Variants in MAGI1 observed in about 807,000 individuals in gnomAD.
The protein encoded by MAGI1 is membrane-associated guanylate kinase, WW and PDZ domain-containing protein 1.
A neutral mutation model predicts 139.9 loss-of-function variants in MAGI1; 58 were observed. The ratio of observed to expected loss-of-function variants is 0.41; its 90% confidence interval spans 0.34 to 0.52. The LOEUF is 0.52. Among genes scored for constraint, MAGI1 ranks in the 20% least tolerant of loss-of-function variants. MAGI1 has a pLI of 0.12. For missense variants in MAGI1, 1,874 were observed against 1,901.6 expected (o/e 0.99, Z 0.27); for synonymous variants, 812 against 737.9 (o/e 1.10, Z -1.63).
intron 2 of MAGI1, among the ~76,000 whole-genome samples, chr3:65,570,432 T>G (rs1318135099): frequency 3.3e-5 from 4 of 122,016 alleles, no homozygotes; most frequent in Non-Finnish European, 6.7e-5. Context: ...AAAAAAAAAA[T>G]GTTTAATCAG....
intron 1 of MAGI1, among the ~76,000 whole-genome samples, chr3:65,734,570 G>GGC (rs2034544809): frequency 6.9e-6 from 1 of 145,942 alleles, no homozygotes; most frequent in Non-Finnish European, 1.5e-5. Context: ...AGAGAGAGAG[G>GGC]GAGAGAGAGA....
intron 1 of MAGI1, among the ~76,000 whole-genome samples, chr3:65,918,194 C>T (rs758506221): frequency 1.3e-5 from 2 of 152,116 alleles, no homozygotes; most frequent in Non-Finnish European, 2.9e-5. Context: ...GGGTCAGAAT[C>T]AGTAAACATG....
chr3:65,837,836 G>A lies in MAGI1; in HGVS notation c.313+200160C>T, dbSNP rs533988645. On this transcript the variant is annotated intron_variant, in intron 1 of 22. Coordinates refer to ENST00000402939, the MANE Select transcript of MAGI1 (RefSeq NM_001033057.2). ...CCTCAAATTTCACACTTCCTTATTCGTCTTTAAAGGTCTAATACAGGGTTT... is the reference window on the plus strand; with the variant it reads ...CCTCAAATTTCACACTTCCTTATTCATCTTTAAAGGTCTAATACAGGGTTT... 2.9e-4 allele frequency among the ~76,000 whole-genome samples: 44 copies of A among 152,054 alleles called. No individual in the cohort carries two copies. In the South Asian group the frequency reaches 5.8e-3, roughly 20 times the overall value.
chr3:65,476,517 T>C (rs1484983366), intron 4 of MAGI1, among the ~76,000 whole-genome samples: 1 of 152,166 alleles, frequency 6.6e-6, no homozygotes, highest in East Asian at 1.9e-4. Context: ...GAGAGATTGA[T>C]AGTAGTTAGA....
At position 65,880,908 on chromosome 3, in the gene MAGI1, C is replaced by CGTGTGTGTGTGTGTGTGT. The variant is rs11271375; in HGVS notation, c.313+157070_313+157087dup. ...TTCATGGGAAATAAAATATCTCTGG[C>CGTGTGTGTGTGTGTGTGT]GTGTGTGTGTGTGTGTGTGTGTGTG... On this transcript the variant is annotated intron_variant, in intron 1 of 22. Transcript: ENST00000402939. Among the ~76,000 whole-genome samples, 700 of 145,612 alleles carry CGTGTGTGTGTGTGTGTGT rather than the reference C, an allele frequency of 4.8e-3. 7 individuals carry two copies. The highest frequency in any genetic ancestry group is 6.2e-3 in the African/African-American group (241 of 39,044).
chr3:65,916,043 TTA>T (rs1010243414), intron 1 of MAGI1, among the ~76,000 whole-genome samples: 9 of 147,842 alleles, frequency 6.1e-5, no homozygotes, highest in South Asian at 2.1e-4. Context: ...ACACAGTATA[TTA>T]TATATATATA....
In MAGI1 at chr3:66,038,312, G is replaced by T. The variant is rs2069054262; in HGVS notation, c.-4C>A. ...TCTTCTGGATCACTTTGGACATGAT[G>T]AGTTACACCCCTCCTCCAAAAAAAT... On this transcript the variant is annotated 5_prime_UTR_variant, in exon 1 of 23. Transcript: ENST00000402939. The T allele has an allele frequency of 1.3e-6, 2 of 1,558,038 alleles. No individual in the cohort carries two copies. Among genetic ancestry groups the T allele is most frequent in the Non-Finnish European group, 1.7e-6 (2 of 1,150,868 alleles).
At chr3:65,510,404 G>GA (rs1389197887) in intron 2 of MAGI1, among the ~76,000 whole-genome samples, 1 of 149,818 alleles carries the variant, frequency 6.7e-6, no homozygotes, top group East Asian at 2.0e-4. Flanking sequence ...TGAAAACTTT[G>GA]AAAAAAATTT....
intron 1 of MAGI1, among the ~76,000 whole-genome samples, chr3:65,675,875 T>C (rs1346306806): frequency 6.6e-6 from 1 of 152,232 alleles, no homozygotes; most frequent in Non-Finnish European, 1.5e-5. Flanking sequence ...TGAGCTGCTC[T>C]TACTGAGAAA....
At chr3:65,418,893 AC>A (rs1200769523) in intron 12 of MAGI1, among the ~76,000 whole-genome samples, 2 of 151,974 alleles carry the variant, frequency 1.3e-5, no homozygotes, top group East Asian at 1.9e-4. Context: ...CAGTGTTTTC[AC>A]CCCTGCAGGC....
chr3:65,667,647 G>T (rs927428986), intron 1 of MAGI1, among the ~76,000 whole-genome samples: 1 of 152,178 alleles, frequency 6.6e-6, no homozygotes, highest in East Asian at 1.9e-4. Flanking sequence ...TCATGGCTCC[G>T]TGCAGCCTCA....
chr3:65,384,923 T>C (rs1016350701), intron 14 of MAGI1, among the ~76,000 whole-genome samples: 9 of 152,096 alleles, frequency 5.9e-5, no homozygotes, highest in African/African-American at 2.2e-4. Context: ...GAGGGGTGAC[T>C]GTACAAATTT....
chr3:65,852,205 T>C (rs1438208644), intron 1 of MAGI1, among the ~76,000 whole-genome samples: 11 of 152,164 alleles, frequency 7.2e-5, no homozygotes, highest in Non-Finnish European at 1.2e-4. Flanking sequence ...AAGAAATCCT[T>C]GCCAAGGTTA....
chr3:65,912,252 A>AAT (rs1491303967), intron 1 of MAGI1, among the ~76,000 whole-genome samples: 1 of 151,676 alleles, frequency 6.6e-6, no homozygotes, highest in Non-Finnish European at 1.5e-5. Flanking sequence ...AAAAAAAAAA[A>AAT]GAGTTCTGCT....
chr3:65,739,592 T>C (rs1296988151), intron 1 of MAGI1, among the ~76,000 whole-genome samples: 2 of 152,202 alleles, frequency 1.3e-5, no homozygotes, highest in Non-Finnish European at 2.9e-5. Flanking sequence ...TAGCTTTTGA[T>C]TTAAAGTGAG....
At chr3:66,012,406 T>C (rs1339605936) in intron 1 of MAGI1, among the ~76,000 whole-genome samples, 1 of 152,104 alleles carries the variant, frequency 6.6e-6, no homozygotes, top group African/African-American at 2.4e-5. Flanking sequence ...GTATTAAAAG[T>C]TCCATATCAC....
chr3:65,673,312 C>A (rs78260898), intron 1 of MAGI1, among the ~76,000 whole-genome samples: 204 of 152,312 alleles, frequency 1.3e-3, no homozygotes, highest in African/African-American at 4.4e-3. Flanking sequence ...CTCAAATTTC[C>A]TGATGTCTTA....
intron 8 of MAGI1, among the ~76,000 whole-genome samples, chr3:65,442,159 A>G (rs979917371): frequency 6.6e-6 from 1 of 151,958 alleles, no homozygotes; most frequent in African/African-American, 2.4e-5. Flanking sequence ...GATGAAAGGA[A>G]AAAGTGGGAG....
At chr3:65,368,431 C>G (rs916837763) in intron 18 of MAGI1, among the ~76,000 whole-genome samples, 2 of 152,226 alleles carry the variant, frequency 1.3e-5, no homozygotes, top group South Asian at 2.1e-4. Flanking sequence ...CCAGCTCTCA[C>G]AGCCCTGTCC....
Sources: gnomAD v4.1 joint callset for allele counts (sites outside exome capture counted in the v4.1 genomes callset) on GRCh38, gnomAD v4.1.1 for gene constraint, MANE v1.5 for transcripts, NCBI Gene and HGNC (gene_info 2026-07-23, HGNC 2026-07-21) for gene names.